SH3BGRL2: variants seen among roughly 807,000 people sequenced by gnomAD.
SH3BGRL2 encodes the protein SH3 domain-binding glutamic acid-rich-like protein 2.
SH3BGRL2 carries 21 observed loss-of-function variants against 14.8 expected under a neutral mutation model. That is an observed-to-expected ratio of 1.42 (90% CI 1.01 to 2.05). The LOEUF is 2.05. Among genes scored for constraint, SH3BGRL2 ranks in the 30% most tolerant of loss-of-function variants. The pLI, the probability that SH3BGRL2 is intolerant of heterozygous loss-of-function variation, is 0.00. For missense variants in SH3BGRL2, 147 were observed against 130.8 expected (o/e 1.12, Z -0.61); for synonymous variants, 50 against 47.8 (o/e 1.05, Z -0.19).
the SH3BGRL2 span, among the ~76,000 whole-genome samples, chr6:79,584,475 T>A: frequency 6.6e-6 from 1 of 152,174 alleles, no homozygotes; most frequent in African/African-American, 2.4e-5. Flanking sequence ...TGAATGCCTT[T>A]CAGAACCCCC....
the SH3BGRL2 span, among the ~76,000 whole-genome samples, chr6:79,604,840 A>T: frequency 6.6e-6 from 1 of 152,236 alleles, no homozygotes; most frequent in Non-Finnish European, 1.5e-5. Context: ...CTTTGAGCAG[A>T]TGCCATAATA....
intron 1 of SH3BGRL2, among the ~76,000 whole-genome samples, chr6:79,637,725 A>G (rs760808302): frequency 2.4e-4 from 36 of 152,298 alleles, no homozygotes; most frequent in Middle Eastern, 3.4e-3. Flanking sequence ...TTCACTTACA[A>G]TTACATAAGA....
chr6:79,667,617 T>C (rs1158049631), intron 1 of SH3BGRL2, among the ~76,000 whole-genome samples: 1 of 152,056 alleles, frequency 6.6e-6, no homozygotes, highest in African/African-American at 2.4e-5. Context: ...CAGCTAATTT[T>C]TGTATTTTTA....
At chr6:79,605,080 A>G in the SH3BGRL2 span, among the ~76,000 whole-genome samples, 19 of 152,326 alleles carry the variant, frequency 1.2e-4, no homozygotes, top group African/African-American at 2.2e-4. Context: ...GCTTTGACCA[A>G]TAAAATACGG....
At chr6:79,631,576 T>C (rs1273886753) in intron 1 of SH3BGRL2, 70 bp downstream of exon 1, 2 of 1,245,200 alleles carry the variant, frequency 1.6e-6, no homozygotes, top group Non-Finnish European at 2.1e-6. Context: ...CGCGCGGCGC[T>C]CGTCACTGCG....
intron 2 of SH3BGRL2, among the ~76,000 whole-genome samples, chr6:79,689,123 C>G (rs1770158842): frequency 6.6e-6 from 1 of 152,156 alleles, no homozygotes; most frequent in Admixed American, 6.5e-5. Context: ...CTGTCAGGTA[C>G]TAGTCTAACA....
chr6:79,653,480 G>A (rs1280314276), intron 1 of SH3BGRL2, among the ~76,000 whole-genome samples: 1 of 152,188 alleles, frequency 6.6e-6, no homozygotes, highest in Non-Finnish European at 1.5e-5. Context: ...TGTCCTGGCT[G>A]TTGGGATTTG....
At chr6:79,623,385 C>T in the SH3BGRL2 span, among the ~76,000 whole-genome samples, 5 of 151,870 alleles carry the variant, frequency 3.3e-5, no homozygotes, top group South Asian at 8.3e-4. Flanking sequence ...TGCTTTGTTT[C>T]GTCATAAACT....
the SH3BGRL2 span, among the ~76,000 whole-genome samples, chr6:79,603,788 T>C: frequency 6.6e-6 from 1 of 152,110 alleles, no homozygotes; most frequent in Non-Finnish European, 1.5e-5. Context: ...CAGCATTTCA[T>C]CCCCAGACCA....
chr6:79,570,064 A>G, the SH3BGRL2 span, among the ~76,000 whole-genome samples: 2 of 152,220 alleles, frequency 1.3e-5, no homozygotes, highest in South Asian at 2.1e-4. Flanking sequence ...CATGTCTACA[A>G]TTTTTAAATA....
chr6:79,580,870 A>G, the SH3BGRL2 span, among the ~76,000 whole-genome samples: 27 of 152,214 alleles, frequency 1.8e-4, no homozygotes, highest in African/African-American at 6.3e-4. Flanking sequence ...TTAAAAGATC[A>G]ACAAAATTGA....
At chr6:79,698,454 C>T (rs1407697375) in intron 3 of SH3BGRL2, among the ~76,000 whole-genome samples, 1 of 152,136 alleles carries the variant, frequency 6.6e-6, no homozygotes, top group Non-Finnish European at 1.5e-5. Context: ...TTCCTACTCC[C>T]TGTGTAGTAT....
At chr6:79,665,478 G>C (rs1049128546) in intron 1 of SH3BGRL2, among the ~76,000 whole-genome samples, 1 of 152,086 alleles carries the variant, frequency 6.6e-6, no homozygotes, top group Non-Finnish European at 1.5e-5. Flanking sequence ...AAGCCTCAGC[G>C]TGATGAGATT....
chr6:79,673,908 G>A (rs1428229942), intron 2 of SH3BGRL2, 109 bp downstream of exon 2: 4 of 1,120,792 alleles, frequency 3.6e-6, no homozygotes, highest in Non-Finnish European at 5.1e-6. Flanking sequence ...TTCACCCAAT[G>A]CCCATTCAGA....
the SH3BGRL2 span, among the ~76,000 whole-genome samples, chr6:79,577,682 G>C: frequency 6.6e-6 from 1 of 152,246 alleles, no homozygotes; most frequent in South Asian, 2.1e-4. Flanking sequence ...GAAGAGCTCC[G>C]GTCTGCAGCT....
chr6:79,547,859 T>G, the SH3BGRL2 span, among the ~76,000 whole-genome samples: 2 of 152,158 alleles, frequency 1.3e-5, no homozygotes, highest in Admixed American at 6.6e-5. Context: ...TCCAACTATA[T>G]ACATAATAAT....
upstream of SH3BGRL2, among the ~76,000 whole-genome samples, chr6:79,630,786 T>C (rs1475895924): frequency 6.6e-6 from 1 of 152,148 alleles, no homozygotes; most frequent in African/African-American, 2.4e-5. Context: ...AGAGAAGACC[T>C]CTCATTTACC....
the SH3BGRL2 span, among the ~76,000 whole-genome samples, chr6:79,587,126 A>G: frequency 1.1e-3 from 167 of 152,290 alleles, no homozygotes; most frequent in Middle Eastern, 0.027. Context: ...TACATATTCA[A>G]CTGTATTATG....
chr6:79,559,326 T>A, the SH3BGRL2 span, among the ~76,000 whole-genome samples: 1 of 152,080 alleles, frequency 6.6e-6, no homozygotes, highest in African/African-American at 2.4e-5. Context: ...TGTAATTAAC[T>A]GGGCACGGTG....
Sources: allele counts gnomAD v4.1 joint callset (sites outside exome capture counted in the v4.1 genomes callset), GRCh38; gene constraint gnomAD v4.1.1; transcripts MANE v1.5; gene names NCBI Gene and HGNC (gene_info 2026-07-23, HGNC 2026-07-21).